The following GNG3 variants were observed in gnomAD, a reference collection of about 807,000 sequenced individuals.
GNG3 encodes G protein subunit gamma 3.
Under a neutral mutation model 5.6 loss-of-function variants are expected in GNG3, and 4 were observed. That is an observed-to-expected ratio of 0.71 (90% confidence interval 0.35 to 1.63). The LOEUF is 1.63. Among genes scored for constraint, GNG3 ranks in the 40% most tolerant of loss-of-function variants. The pLI is 0.05. For synonymous variants in GNG3, 30 were observed against 33.5 expected (o/e 0.89, Z 0.36); for missense variants, 62 against 96.6 (o/e 0.64, Z 1.50).
upstream of GNG3, chr11:62,707,650 G>T: frequency 2.2e-6 from 1 of 458,654 alleles, no homozygotes; most frequent in Non-Finnish European, 4.0e-6. Flanking sequence ...CCAGGCAGTT[G>T]GTATGCTCCA....
At chr11:62,706,520 C>T (rs2134745753), upstream of GNG3, 1 of 440,066 alleles carries the variant, frequency 2.3e-6, no homozygotes, top group African/African-American at 2.0e-5. Flanking sequence ...GCCTGCCTCC[C>T]TGCAGGCCCC....
chr11:62,707,700 G>A lies in GNG3; in HGVS notation c.-217G>A. The A allele has an allele frequency of 2.8e-6, 1 of 358,020 alleles. No homozygotes were observed. The highest frequency in any genetic ancestry group is 2.6e-5 in the South Asian group (1 of 37,894). 22.2% of individuals were successfully genotyped at this position (358,020 alleles called of 1,614,324 possible). A position where few individuals can be genotyped will look rare whatever the true frequency, so the allele number is the denominator to read the frequency against. On this transcript the variant is annotated 5_prime_UTR_variant, in exon 1 of 3. Coordinates refer to ENST00000294117, the MANE Select transcript of GNG3 (RefSeq NM_012202.5). ...CCTTCTAGCATCCTTCATCCTTCAG[G>A]TACCAGCCATCCAGACAGTGCTTGA...
chr11:62,706,980 T>C (rs2083550701), upstream of GNG3: 1 of 797,414 alleles, frequency 1.3e-6, no homozygotes, highest in Non-Finnish European at 2.1e-6. Context: ...TGCACACTGC[T>C]GCGGGCGTGG....
At chr11:62,706,934 G>A, upstream of GNG3, among the ~76,000 whole-genome samples, 1 of 152,322 alleles carries the variant, frequency 6.6e-6, no homozygotes, top group East Asian at 1.9e-4. Context: ...CCCAGATAAA[G>A]TCCTTCAGAG....
At chr11:62,708,638 G>C in intron 2 of GNG3, 40 bp from the exon 3 acceptor site, 22 of 1,609,974 alleles carry the variant, frequency 1.4e-5, no homozygotes, top group Non-Finnish European at 1.9e-5. Context: ...GTCCCCTTCA[G>C]AGGTCCTGGC....
At position 62,708,219 on chromosome 11, in the gene GNG3, A is replaced by G. The variant is rs545380493; in HGVS notation, c.-1-76A>G. On this transcript the variant is annotated intron_variant, in intron 1 of 2. Coordinates refer to ENST00000294117, the MANE Select transcript of GNG3 (RefSeq NM_012202.5). ...TATTGGGGTATGACCACAGCCTTGT[A>G]AAGGTTGGTGTGGAGTGAGCATGGA... is the stretch of plus-strand genomic sequence containing the variant. 1.1e-3 allele frequency: 1,042 copies of G among 923,242 alleles called. 1 individual carries two copies. Among genetic ancestry groups the G allele is most frequent in the Non-Finnish European group, 1.6e-3 (884 of 549,070 alleles). The allele number at this position is 923,242 out of a possible 1,614,324, so 57.2% of individuals were successfully genotyped here.
At chr11:62,707,256 G>C (rs1025374684), upstream of GNG3, 6 of 1,428,832 alleles carry the variant, frequency 4.2e-6, no homozygotes, top group Non-Finnish European at 4.8e-6. Context: ...GCTAAAACGT[G>C]AAGTGGCGAT....
rs1162806274 is a variant in GNG3, at chr11:62,708,554, G to A, written c.100-124G>A. On this transcript the variant is annotated intron_variant, in intron 2 of 2. Transcript: ENST00000294117. Reference sequence around the variant, plus strand: ...AGAGCTGTCCCCAGGCCTCTGGGGGGGATGAGGGAGAAGACAAGTCGTAAG... The same window carrying A: ...AGAGCTGTCCCCAGGCCTCTGGGGGAGATGAGGGAGAAGACAAGTCGTAAG... 9.3e-6 allele frequency: 13 copies of A among 1,399,362 alleles called. No homozygotes were observed. The South Asian group carries it at 1.6e-4, about 17-fold the overall frequency. 86.7% of individuals were successfully genotyped at this position (1,399,362 alleles called of 1,614,324 possible).
rs1471021108 is a variant in GNG3 at position 62,708,975 on chromosome 11, C to T, written c.*169C>T. 13 of 642,746 alleles carry T rather than the reference C, an allele frequency of 2.0e-5. No individual in the cohort carries two copies. Among genetic ancestry groups the T allele is most frequent in the Middle Eastern group, 3.5e-4 (1 of 2,848 alleles). The allele number at this position is 642,746 out of a possible 1,614,324, so 39.8% of individuals were successfully genotyped here. A position where few individuals can be genotyped will look rare whatever the true frequency, so the allele number is the denominator to read the frequency against. Reference sequence around the variant, plus strand: ...CCCACCCTCACCTATCTGTCGACCCCATTTCCTACCACCTTTGTGGCCGAC... The same window carrying T: ...CCCACCCTCACCTATCTGTCGACCCTATTTCCTACCACCTTTGTGGCCGAC... On this transcript the variant is annotated 3_prime_UTR_variant, in exon 3 of 3. Coordinates refer to ENST00000294117, the MANE Select transcript of GNG3 (RefSeq NM_012202.5).
At position 62,708,814 on chromosome 11, in the gene GNG3, T is replaced by C; in HGVS notation, c.*8T>C. The stretch of plus-strand genomic sequence containing the variant: ...TTCTGTGCTCTCCTCTGAGCTCCCC[T>C]GTCCCTTCTCACAACTCCTCCCTTT... On this transcript the variant is annotated 3_prime_UTR_variant, in exon 3 of 3. Coordinates refer to ENST00000294117, the MANE Select transcript of GNG3 (RefSeq NM_012202.5). 6.2e-7 allele frequency: 1 copy of C among 1,607,946 alleles called. No homozygotes were observed. The highest frequency in any genetic ancestry group is 8.5e-7 in the Non-Finnish European group (1 of 1,174,732).
In GNG3 at chr11:62,708,462, C is replaced by T. The variant is rs780199663; in HGVS notation, c.99+68C>T. On this transcript the variant is annotated intron_variant, in intron 2 of 2. Coordinates refer to ENST00000294117, the MANE Select transcript of GNG3 (RefSeq NM_012202.5). The stretch of plus-strand genomic sequence containing the variant: ...TGCTGTGCTGCAGGTTCCCAAAGCT[C>T]AAGATAAGAGATGCGTTCTTTCCTT... 2.4e-4 allele frequency: 318 copies of T among 1,313,910 alleles called. 2 individuals carry two copies. The highest frequency in any genetic ancestry group is 3.0e-4 in the Non-Finnish European group (272 of 907,552). The allele number at this position is 1,313,910 out of a possible 1,614,324, so 81.4% of individuals were successfully genotyped here.
Position 62,708,277 on chromosome 11 carries a change from G to A in GNG3, c.-1-18G>A, listed in dbSNP as rs765766047. 4.6e-6 allele frequency: 7 copies of A among 1,527,282 alleles called. No homozygotes were observed. The highest frequency in any genetic ancestry group is 3.3e-5 in the Admixed American group (2 of 59,900). The allele number at this position is 1,527,282 out of a possible 1,614,324, so 94.6% of individuals were successfully genotyped here. On this transcript the variant is annotated intron_variant, in intron 1 of 2. Transcript: ENST00000294117. ...CTCCAGCTGAGACTGTGCTCTGAGA[G>A]GTCCCTCTTTTTTCCAGGATGAAAG...
At chr11:62,708,142 G>A (rs2134751358) in intron 1 of GNG3, 153 bp from the exon 2 acceptor site, 1 of 662,334 alleles carries the variant, frequency 1.5e-6, no homozygotes, top group Non-Finnish European at 2.8e-6. Flanking sequence ...GAGGAATACA[G>A]GGATGAGACA....
In GNG3 at chr11:62,709,198, C is replaced by T; in HGVS notation, c.*392C>T. 2.2e-6 allele frequency: 1 copy of T among 457,100 alleles called. No individual in the cohort carries two copies. The highest frequency in any genetic ancestry group is 4.4e-6 in the Non-Finnish European group (1 of 228,704). The allele number at this position is 457,100 out of a possible 1,614,324, so 28.3% of individuals were successfully genotyped here. A position where few individuals can be genotyped will look rare whatever the true frequency, so the allele number is the denominator to read the frequency against. On this transcript the variant is annotated 3_prime_UTR_variant, in exon 3 of 3. Coordinates refer to ENST00000294117, the MANE Select transcript of GNG3 (RefSeq NM_012202.5). ...TTTGAAGAATAAAGTCATCCAGAGC[C>T]TCAGGACAGCTCCTGTGTTAGAATT... is the stretch of plus-strand genomic sequence containing the variant.
upstream of GNG3, chr11:62,706,530 C>A: frequency 2.2e-6 from 1 of 452,396 alleles, no homozygotes; most frequent in Non-Finnish European, 4.5e-6. Flanking sequence ...CTGCAGGCCC[C>A]AAGATGTGCC....
Position 62,708,291 on chromosome 11 carries a change from C to A in GNG3, c.-1-4C>A, listed in dbSNP as rs1300892307. 2.5e-6 allele frequency: 4 copies of A among 1,599,288 alleles called. No homozygotes were observed. In the African/African-American group the frequency reaches 5.4e-5, roughly 21 times the overall value. ...GTGCTCTGAGAGGTCCCTCTTTTTT[C>A]CAGGATGAAAGGTGAGACCCCGGTG... is the stretch of plus-strand genomic sequence containing the variant. On this transcript the variant is annotated splice_polypyrimidine_tract_variant and splice_region_variant and intron_variant, in intron 1 of 2. Coordinates refer to ENST00000294117, the MANE Select transcript of GNG3 (RefSeq NM_012202.5).
At chr11:62,707,018 T>C (rs2083551303), upstream of GNG3, 3 of 1,136,324 alleles carry the variant, frequency 2.6e-6, no homozygotes, top group African/African-American at 1.6e-5. Context: ...ATGAATGAAA[T>C]TCTTAAAACC....
chr11:62,708,631 C>G (rs1233240816), intron 2 of GNG3, 47 bp from the exon 3 acceptor site: 10 of 1,606,486 alleles, frequency 6.2e-6, no homozygotes, highest in Non-Finnish European at 8.5e-6. Context: ...GGCTGCAGTC[C>G]CCTTCAGAGG....
At chr11:62,708,614 G>A (rs2083582782) in intron 2 of GNG3, 64 bp from the exon 3 acceptor site, 1 of 1,596,468 alleles carries the variant, frequency 6.3e-7, no homozygotes, top group Non-Finnish European at 8.6e-7. Context: ...ACCCATTTGG[G>A]GAGGGAGGCT....
Sources: allele counts gnomAD v4.1 joint callset (sites outside exome capture counted in the v4.1 genomes callset), GRCh38; gene constraint gnomAD v4.1.1; transcripts MANE v1.5; gene names NCBI Gene and HGNC (gene_info 2026-07-23, HGNC 2026-07-21).